MAZ: variants seen among roughly 807,000 people sequenced by gnomAD.
MAZ encodes MYC associated zinc finger protein.
A neutral mutation model predicts 32.7 loss-of-function variants in MAZ; 4 were observed. The observed-to-expected ratio is 0.12, with a 90% CI of 0.06 to 0.28. The LOEUF is 0.28. Among genes scored for constraint, MAZ ranks in the 10% least tolerant of loss-of-function variants. MAZ has a pLI of 1.00. For missense variants in MAZ, 763 were observed against 667.2 expected (o/e 1.14, Z -1.58); for synonymous variants, 510 against 297.6 (o/e 1.71, Z -7.35).
chr16:29,809,426 G>T, intron 4 of MAZ: 1 of 703,528 alleles, frequency 1.4e-6, no homozygotes, highest in Non-Finnish European at 2.5e-6. Flanking sequence ...CAAGGATACC[G>T]TGGGAGGAGG....
chr16:29,809,057 G>A (rs1899743460), intron 4 of MAZ: 1 of 533,670 alleles, frequency 1.9e-6, no homozygotes, highest in Non-Finnish European at 3.3e-6. Context: ...CAAGGTTTCC[G>A]CTGCGCAGCC....
At position 29,808,696 on chromosome 16, in the gene MAZ, G is replaced by A. The variant is rs1899707426; in HGVS notation, c.1234G>A (p.Val412Met). The A allele has an allele frequency of 6.2e-6, 10 of 1,614,026 alleles. No homozygotes were observed. Among genetic ancestry groups the A allele is most frequent in the Non-Finnish European group, 8.5e-6 (10 of 1,180,002 alleles). The change falls in exon 4 of 5, where the codon GTG (valine) becomes ATG (methionine). Residue 412 changes from valine to methionine, a missense_variant. Physicochemically the swap from Val to Met is conservative, Grantham distance 21. Transcript: ENST00000322945. ...SSAYISDHMK[V>M]HSQGPHHVCE... ...GGCTTATATTTCGGACCACATGAAG[G>A]TGCACAGCCAGGGTCCTCACCATGT... is the stretch of plus-strand genomic sequence containing the variant.
At chr16:29,809,189 G>A (rs1051564719) in intron 4 of MAZ, 6 of 497,292 alleles carry the variant, frequency 1.2e-5, no homozygotes, top group African/African-American at 7.9e-5. Flanking sequence ...TAACTGGGTT[G>A]AGACCGCGGG....
chr16:29,809,525 T>C, intron 4 of MAZ: 1 of 1,046,066 alleles, frequency 9.6e-7, no homozygotes, highest in Non-Finnish European at 1.4e-6. Context: ...CCCATCCCAA[T>C]CCACCCCCCA....
In MAZ at chr16:29,807,586, C is replaced by T. The variant is rs1338303808; in HGVS notation, c.801C>T (p.Thr267=). Residue 267 remains threonine (T), a synonymous_variant, in exon 2 of 5, where the codon ACC becomes ACT. Coordinates refer to ENST00000322945, the MANE Select transcript of MAZ (RefSeq NM_002383.4). ...AAAVAAGGVV[T]TTASGKRIRK... Reference sequence around the variant, plus strand: ...CAGTGGCCGCCGGTGGCGTGGTGACCACGACCGCCTCGGGGAAGCGCATCC... The same window carrying T: ...CAGTGGCCGCCGGTGGCGTGGTGACTACGACCGCCTCGGGGAAGCGCATCC... 3 of 1,611,002 alleles carry T rather than the reference C, an allele frequency of 1.9e-6. No homozygotes were observed. The South Asian group carries it at 3.3e-5, about 18-fold the overall frequency.
rs139696500 is a variant in MAZ at position 29,809,229 on chromosome 16, C to T, written c.1279+488C>T. On this transcript the variant is annotated intron_variant, in intron 4 of 4. Coordinates refer to ENST00000322945, the MANE Select transcript of MAZ (RefSeq NM_002383.4). ...TGGAGGGAAGGGGACACAGCCGTCT[C>T]TGCTGAGGGTCAACCCTGCAAGTGG... 2.2e-4 allele frequency: 113 copies of T among 522,688 alleles called. No individual in the cohort carries two copies. The East Asian group carries it at 3.7e-3, about 17-fold the overall frequency. 32.4% of individuals were successfully genotyped at this position (522,688 alleles called of 1,614,324 possible).
In MAZ at chr16:29,807,412, A is replaced by G; in HGVS notation, c.627A>G (p.Glu209=). 1.2e-6 allele frequency: 2 copies of G among 1,612,352 alleles called. No individual in the cohort carries two copies. Among genetic ancestry groups the G allele is most frequent in the South Asian group, 2.2e-5 (2 of 91,080 alleles). The change falls in exon 2 of 5, where the codon GAA becomes GAG. Residue 209 remains glutamate, a synonymous_variant. Transcript: ENST00000322945. ...FKNGYNLRRH[E]AIHTGAKAGR... ...ACGGCTACAATCTCCGGAGGCACGA[A>G]GCCATCCACACGGGAGCCAAGGCCG...
chr16:29,807,511 CGGAGCCGGCGGGGGAGGGGGAGAGGCG>C lies in MAZ; in HGVS notation c.729_755del (p.Gly248_Gly256del). On this transcript the variant is annotated inframe_deletion, in exon 2 of 5. Transcript: ENST00000322945. ...GCCTCCTGAGCGTGCCCCAGCTGAGCGGAGCCGGCGGGGGAGGGGGAGAGGCGGGTGCCGGCGGCGGCGCTGCCGCAG... is the reference window on the plus strand; with the variant it reads ...GCCTCCTGAGCGTGCCCCAGCTGAGCGGTGCCGGCGGCGGCGCTGCCGCAG... The C allele has an allele frequency of 3.1e-6, 5 of 1,610,398 alleles. No homozygotes were observed. Among genetic ancestry groups the C allele is most frequent in the Non-Finnish European group, 4.2e-6 (5 of 1,178,620 alleles).
rs750443159 is a variant in MAZ, at chr16:29,810,098, T to TGGC, written c.1308_1310dup (p.Ala448dup). 2 of 1,607,642 alleles carry TGGC rather than the reference T, an allele frequency of 1.2e-6. No homozygotes were observed. The highest frequency in any genetic ancestry group is 1.4e-5 in the African/African-American group (1 of 73,822). On this transcript the variant is annotated inframe_insertion, in exon 5 of 5. Coordinates refer to ENST00000322945, the MANE Select transcript of MAZ (RefSeq NM_002383.4). ...GCAGGTACTGGTGAGGTTTGTCCAA[T>TGGC]GGCGGCGGCAGCGGCAGCGGCGGCA...
In MAZ at chr16:29,811,162, C is replaced by G; in HGVS notation, c.*931C>G. 1 of 417,106 alleles carries G rather than the reference C, an allele frequency of 2.4e-6. No individual in the cohort carries two copies. The highest frequency in any genetic ancestry group is 1.7e-5 in the South Asian group (1 of 57,940). 25.8% of individuals were successfully genotyped at this position (417,106 alleles called of 1,614,324 possible). On this transcript the variant is annotated 3_prime_UTR_variant, in exon 5 of 5. Coordinates refer to ENST00000322945, the MANE Select transcript of MAZ (RefSeq NM_002383.4). ...ATTACAATAAATTTTAAATAAAATC[C>G]TGTTTCTGGCTCTGGATTGAATGAA...
intron 2 of MAZ, 149 bp downstream of exon 2, chr16:29,807,977 G>T: frequency 7.1e-7 from 1 of 1,399,918 alleles, no homozygotes; most frequent in Non-Finnish European, 9.5e-7. Context: ...GCCTCTCCCG[G>T]TTACCAGGGA....
intron 2 of MAZ, 134 bp downstream of exon 2, chr16:29,807,962 A>T: frequency 6.9e-7 from 1 of 1,446,636 alleles, no homozygotes; most frequent in Non-Finnish European, 9.2e-7. Context: ...GGGCGGAGGG[A>T]GGAAGCCTCT....
chr16:29,807,793 C>T lies in MAZ; in HGVS notation c.1008C>T (p.Pro336=), dbSNP rs757637431. Residue 336 remains proline (P), a synonymous_variant, in exon 2 of 5, where the codon CCC becomes CCT. Coordinates refer to ENST00000322945, the MANE Select transcript of MAZ (RefSeq NM_002383.4). ...CACATGACGGCGCTGTGCACAAGCC[C>T]TACAACTGCTCCCACTGTGGCAAGA... ...VRSHDGAVHK[P]YNCSHCGKSF... 7 of 1,610,746 alleles carry T rather than the reference C, an allele frequency of 4.3e-6. No homozygotes were observed. Among genetic ancestry groups the T allele is most frequent in the African/African-American group, 1.3e-5 (1 of 74,934 alleles).
At position 29,806,798 on chromosome 16, in the gene MAZ, C is replaced by T. The variant is rs751711794; in HGVS notation, c.97C>T (p.Pro33Ser). The T allele has an allele frequency of 7.0e-7, 1 of 1,435,438 alleles. No individual in the cohort carries two copies. Among genetic ancestry groups the T allele is most frequent in the South Asian group, 1.3e-5 (1 of 75,004 alleles). 88.9% of individuals were successfully genotyped at this position (1,435,438 alleles called of 1,614,324 possible). The change falls in exon 1 of 5, where the codon CCA (proline) becomes TCA (serine). Residue 33 changes from proline (P) to serine (S), a missense_variant. Physicochemically the swap from Pro to Ser is moderately conservative, Grantham distance 74. Transcript: ENST00000322945. ...GGGCGGCCTCATGAACTCCTTCCCG[C>T]CACCTCAGGGTCACGCCCAGAACCC... The part of the protein sequence containing the change: ...GVGGLMNSFP[P>S]PQGHAQNPLQ...
rs757209598 is a variant in MAZ, at chr16:29,807,208, GGCGCCC to G, written c.427_432del (p.Pro143_Ala144del). Reference sequence around the variant, plus strand: ...CCCCTCCGCCACCCCCGCCAGTGTCGGCGCCCGCGGCCGAGGCCGCGCCCCCCGCCT... The same window carrying G: ...CCCCTCCGCCACCCCCGCCAGTGTCGGCGGCCGAGGCCGCGCCCCCCGCCT... On this transcript the variant is annotated inframe_deletion, in exon 2 of 5. Transcript: ENST00000322945. The G allele has an allele frequency of 3.5e-3, 4,353 of 1,235,008 alleles. 20 individuals carry two copies. Among genetic ancestry groups the G allele is most frequent in the Non-Finnish European group, 4.2e-3 (4,135 of 980,800 alleles). 76.5% of individuals were successfully genotyped at this position (1,235,008 alleles called of 1,614,324 possible). A position where few individuals can be genotyped will look rare whatever the true frequency, so the allele number is the denominator to read the frequency against.
chr16:29,808,695 G>A lies in MAZ; in HGVS notation c.1233G>A (p.Lys411=), dbSNP rs1329174397. ...LSSAYISDHM[K]VHSQGPHHVC... is the part of the protein sequence containing the mutation. ...CGGCTTATATTTCGGACCACATGAA[G>A]GTGCACAGCCAGGGTCCTCACCATG... The change falls in exon 4 of 5, where the codon AAG becomes AAA. Residue 411 remains lysine, a synonymous_variant. Transcript: ENST00000322945. The A allele has an allele frequency of 1.9e-6, 3 of 1,614,038 alleles. No homozygotes were observed. Among genetic ancestry groups the A allele is most frequent in the Admixed American group, 1.7e-5 (1 of 60,008 alleles).
chr16:29,808,256 G>A lies in MAZ; in HGVS notation c.1070G>A (p.Arg357Lys). Residue 357 changes from arginine (R) to lysine (K), a missense_variant, in exon 3 of 5, where the codon AGA becomes AAA. Physicochemically the swap from Arg to Lys is conservative, Grantham distance 26. Transcript: ENST00000322945. The part of the protein sequence containing the change: ...SRPDHLNSHV[R>K]QVHSTERPFK... Reference sequence around the variant, plus strand: ...CCGGATCACCTCAACAGTCACGTCAGACAAGTGCACTCAACAGAACGGCCC... The same window carrying A: ...CCGGATCACCTCAACAGTCACGTCAAACAAGTGCACTCAACAGAACGGCCC... 6.2e-7 allele frequency: 1 copy of A among 1,614,090 alleles called. No individual in the cohort carries two copies. Among genetic ancestry groups the A allele is most frequent in the Non-Finnish European group, 8.5e-7 (1 of 1,180,014 alleles).
chr16:29,810,165 G>A lies in MAZ; in HGVS notation c.1368G>A (p.Val456=). ...CAGTAGCAGCCCCTCCCACAGCTGT[G>A]GGCTCCCTCTCGGGGGCGGAGGGGG... is the stretch of plus-strand genomic sequence containing the variant. The part of the protein sequence containing the change: ...AAAVAAPPTA[V]GSLSGAEGVP... Residue 456 remains valine, a synonymous_variant, in exon 5 of 5, where the codon GTG becomes GTA. Transcript: ENST00000322945. 6.2e-7 allele frequency: 1 copy of A among 1,611,224 alleles called. No individual in the cohort carries two copies. The highest frequency in any genetic ancestry group is 1.1e-5 in the South Asian group (1 of 90,980).
At chr16:29,809,537 T>G in intron 4 of MAZ, 6 of 1,180,960 alleles carry the variant, frequency 5.1e-6, no homozygotes, top group Non-Finnish European at 7.2e-6. Context: ...CACCCCCCAA[T>G]AGGCTTCACC....
Sources: gnomAD v4.1 joint callset for allele counts on GRCh38, gnomAD v4.1.1 for gene constraint, MANE v1.5 for transcripts, NCBI Gene and HGNC (gene_info 2026-07-23, HGNC 2026-07-21) for gene names.